Variants in MLLT6 observed in about 807,000 individuals in gnomAD.
The protein encoded by MLLT6 is protein AF-17.
A neutral mutation model predicts 103.0 loss-of-function variants in MLLT6; 22 were observed. The ratio of observed to expected loss-of-function variants is 0.21; its 90% CI spans 0.15 to 0.31. The LOEUF (loss-of-function observed/expected upper bound fraction) is 0.31, where lower values mean the gene tolerates loss of function less well. MLLT6 is among the 10% of genes least tolerant of loss of function. The pLI is 1.00. For synonymous variants in MLLT6, 606 were observed against 623.5 expected (o/e 0.97, Z 0.42); for missense variants, 1,199 against 1,441.7 (o/e 0.83, Z 2.73).
Position 38,727,401 on chromosome 17 carries a change from A to G in MLLT6, c.*1803A>G, listed in dbSNP as rs1906097750. ...AGTTGTGATGACCTCAGAAATACTC[A>G]CTTTTTATTAATGCTAAATATGTTA... On this transcript the variant is annotated 3_prime_UTR_variant, in exon 20 of 20. Coordinates refer to ENST00000621332, the MANE Select transcript of MLLT6 (RefSeq NM_005937.4). 1 of 230,594 alleles carries G rather than the reference A, an allele frequency of 4.3e-6. No homozygotes were observed. Among genetic ancestry groups the G allele is most frequent in the Non-Finnish European group, 8.6e-6 (1 of 116,542 alleles). The allele number at this position is 230,594 out of a possible 1,614,324, so 14.3% of individuals were successfully genotyped here. A position where few individuals can be genotyped will look rare whatever the true frequency, so the allele number is the denominator to read the frequency against.
Position 38,711,997 on chromosome 17 carries a change from G to C in MLLT6, c.703G>C (p.Glu235Gln). ...GCAGGAGAAGCACCCCACCCACCAC[G>C]AGAGGGGCCAGAAGAAGGTAGAAGT... ...TQQEKHPTHH[E>Q]RGQKKSRKDK... is the part of the protein sequence containing the mutation. Residue 235 changes from glutamate to glutamine, a missense_variant, in exon 7 of 20, where the codon GAG (glutamate) becomes CAG (glutamine). Glu to Gln is a conservative substitution (Grantham distance 29). This residue lies in a region of MLLT6 where 1,034 missense variants were observed against 1,091.5 expected (regional missense o/e 0.95). Coordinates refer to ENST00000621332, the MANE Select transcript of MLLT6 (RefSeq NM_005937.4). 6.3e-7 allele frequency: 1 copy of C among 1,591,820 alleles called. No homozygotes were observed. The highest frequency in any genetic ancestry group is 8.6e-7 in the Non-Finnish European group (1 of 1,167,998).
rs1460952874 is a variant in MLLT6 at position 38,717,462 on chromosome 17, C to T, written c.1682C>T (p.Ser561Phe). 1 of 1,610,766 alleles carries T rather than the reference C, an allele frequency of 6.2e-7. No individual in the cohort carries two copies. Among genetic ancestry groups the T allele is most frequent in the East Asian group, 2.2e-5 (1 of 44,750 alleles). Reference protein sequence around the residue: ...GIYTSNKDPISHSGGMLRAVC... With the variant: ...GIYTSNKDPIFHSGGMLRAVC... Reference sequence around the variant, plus strand: ...TACACCAGTAATAAGGACCCCATCTCCCACAGTGGCGGGATGCTGCGGGCT... The same window carrying T: ...TACACCAGTAATAAGGACCCCATCTTCCACAGTGGCGGGATGCTGCGGGCT... The change falls in exon 11 of 20, where the codon TCC (serine) becomes TTC (phenylalanine). Residue 561 changes from serine to phenylalanine, a missense_variant. This residue lies in a region of MLLT6 where 1,034 missense variants were observed against 1,091.5 expected (regional missense o/e 0.95). Coordinates refer to ENST00000621332, the MANE Select transcript of MLLT6 (RefSeq NM_005937.4).
chr17:38,716,084 G>C lies in MLLT6; in HGVS notation c.1036+256G>C. 1.7e-6 allele frequency: 1 copy of C among 599,952 alleles called. No homozygotes were observed. The allele number at this position is 599,952 out of a possible 1,614,324, so 37.2% of individuals were successfully genotyped here. A position where few individuals can be genotyped will look rare whatever the true frequency, so the allele number is the denominator to read the frequency against. ...CTTATCCCCTACATTTGTGCTGCAAGGTACAATTTTTCAAGAACCCCCATT... is the reference window on the plus strand; with the variant it reads ...CTTATCCCCTACATTTGTGCTGCAACGTACAATTTTTCAAGAACCCCCATT... On this transcript the variant is annotated intron_variant, in intron 9 of 19. Coordinates refer to ENST00000621332, the MANE Select transcript of MLLT6 (RefSeq NM_005937.4). The surrounding 1 kb of genome is among the most constrained non-coding windows in gnomAD (Gnocchi z 5.6).
In MLLT6 at chr17:38,729,049, TCTTAGGAA is replaced by T; in HGVS notation, c.*3452_*3459del. The T allele has an allele frequency of 4.3e-6, 1 of 233,372 alleles. No individual in the cohort carries two copies. The highest frequency in any genetic ancestry group is 6.0e-5 in the East Asian group (1 of 16,604). The allele number at this position is 233,372 out of a possible 1,614,324, so 14.5% of individuals were successfully genotyped here. A position where few individuals can be genotyped will look rare whatever the true frequency, so the allele number is the denominator to read the frequency against. On this transcript the variant is annotated 3_prime_UTR_variant, in exon 20 of 20. Transcript: ENST00000621332. ...TTCTAGGGAGGTGCTCACCCCAGAC[TCTTAGGAA>T]GGGTCTAGAGAAATGAGAGGAGCCC...
At position 38,727,538 on chromosome 17, in the gene MLLT6, C is replaced by T. The variant is rs937923477; in HGVS notation, c.*1940C>T. 4.4e-5 allele frequency: 9 copies of T among 205,072 alleles called. No homozygotes were observed. The highest frequency in any genetic ancestry group is 9.0e-5 in the Non-Finnish European group (9 of 100,312). The allele number at this position is 205,072 out of a possible 1,614,324, so 12.7% of individuals were successfully genotyped here. A position where few individuals can be genotyped will look rare whatever the true frequency, so the allele number is the denominator to read the frequency against. The stretch of plus-strand genomic sequence containing the variant: ...AACCTTCAGGCCAGGCGCGGTGGCT[C>T]ACGCCTGTAATCCCAACACTTTGGG... On this transcript the variant is annotated 3_prime_UTR_variant, in exon 20 of 20. Transcript: ENST00000621332.
chr17:38,708,017 A>C (rs1905004181), intron 4 of MLLT6, 145 bp downstream of exon 4: 2 of 625,994 alleles, frequency 3.2e-6, no homozygotes, highest in African/African-American at 3.7e-5. Context: ...CCAGTGAACC[A>C]CCCTTCTGTT....
rs148755593 is a variant in MLLT6, at chr17:38,707,720, C to A, written c.245-43C>A. On this transcript the variant is annotated intron_variant, in intron 3 of 19. Transcript: ENST00000621332. ...GTGGGGTCATAAGGGGTGGAGTCTC[C>A]GGCTTGCCATCTGCAGCTGAGGCTA... 450 of 1,346,526 alleles carry A rather than the reference C, an allele frequency of 3.3e-4. 1 individual carries two copies. Among genetic ancestry groups the A allele is most frequent in the Non-Finnish European group, 4.2e-4 (399 of 940,860 alleles). The allele number at this position is 1,346,526 out of a possible 1,614,324, so 83.4% of individuals were successfully genotyped here.
chr17:38,726,895 T>C lies in MLLT6; in HGVS notation c.*1297T>C. On this transcript the variant is annotated 3_prime_UTR_variant, in exon 20 of 20. Coordinates refer to ENST00000621332, the MANE Select transcript of MLLT6 (RefSeq NM_005937.4). The stretch of plus-strand genomic sequence containing the variant: ...TCACCCACCAGCTATTTCCCCAGGG[T>C]AGAGTGGGCAATTCTCACCTTCAAA... 4.3e-6 allele frequency: 1 copy of C among 233,152 alleles called. No individual in the cohort carries two copies. Among genetic ancestry groups the C allele is most frequent in the Non-Finnish European group, 8.5e-6 (1 of 118,044 alleles). 14.4% of individuals were successfully genotyped at this position (233,152 alleles called of 1,614,324 possible). A position where few individuals can be genotyped will look rare whatever the true frequency, so the allele number is the denominator to read the frequency against.
Position 38,727,646 on chromosome 17 carries a change from T to C in MLLT6, c.*2048T>C, listed in dbSNP as rs1906108382. The C allele has an allele frequency of 5.2e-6, 1 of 191,268 alleles. No individual in the cohort carries two copies. Among genetic ancestry groups the C allele is most frequent in the Admixed American group, 6.2e-5 (1 of 16,258 alleles). 11.8% of individuals were successfully genotyped at this position (191,268 alleles called of 1,614,324 possible). ...GGTGAAACCCCGTCTCTATCAAAAA[T>C]TAGCCGGGCATGGTGGCACGTGCCT... On this transcript the variant is annotated 3_prime_UTR_variant, in exon 20 of 20. Coordinates refer to ENST00000621332, the MANE Select transcript of MLLT6 (RefSeq NM_005937.4).
rs1201724861 is a variant in MLLT6, at chr17:38,705,288, C to G, written c.-345C>G. On this transcript the variant is annotated 5_prime_UTR_variant, in exon 1 of 20. Transcript: ENST00000621332. ...CCCGCGATGTGCCACTCGGCGCCTCCCCCGCCGGGCTCGGGCTACGCGGCG... is the reference window on the plus strand; with the variant it reads ...CCCGCGATGTGCCACTCGGCGCCTCGCCCGCCGGGCTCGGGCTACGCGGCG... 6.9e-6 allele frequency among the ~76,000 whole-genome samples: 1 copy of G among 145,374 alleles called. No homozygotes were observed. Among genetic ancestry groups the G allele is most frequent in the East Asian group, 2.0e-4 (1 of 4,904 alleles).
Position 38,715,845 on chromosome 17 carries a change from G to T in MLLT6, c.1036+17G>T. ...AGCCTGCAGGTGAGTGTGGGCATCCGGGAGGAAGCTGGGAGCAGGGAAAGC... is the reference window on the plus strand; with the variant it reads ...AGCCTGCAGGTGAGTGTGGGCATCCTGGAGGAAGCTGGGAGCAGGGAAAGC... On this transcript the variant is annotated intron_variant, in intron 9 of 19. Transcript: ENST00000621332. 1.3e-6 allele frequency: 2 copies of T among 1,570,430 alleles called. No homozygotes were observed. Among genetic ancestry groups the T allele is most frequent in the Non-Finnish European group, 8.6e-7 (1 of 1,156,398 alleles).
At chr17:38,710,214 G>C (rs1905097074) in intron 6 of MLLT6, among the ~76,000 whole-genome samples, 1 of 152,210 alleles carries the variant, frequency 6.6e-6, no homozygotes, top group Non-Finnish European at 1.5e-5. Context: ...TGGTGGGGAA[G>C]AGGCAGGAGA....
chr17:38,707,547 C>T lies in MLLT6; in HGVS notation c.244+7C>T, dbSNP rs750200964. 4.3e-6 allele frequency: 7 copies of T among 1,613,846 alleles called. No homozygotes were observed. Among genetic ancestry groups the T allele is most frequent in the African/African-American group, 1.3e-5 (1 of 74,934 alleles). ...AAGAGGACTGATAATGGAGGTGAGG[C>T]GGGCTCATCTGCTGAGGTCAGCAGG... On this transcript the variant is annotated splice_region_variant and intron_variant, in intron 3 of 19. Transcript: ENST00000621332.
chr17:38,705,816 G>A (rs1904886095), intron 1 of MLLT6, 75 bp downstream of exon 1: 2 of 546,988 alleles, frequency 3.7e-6, no homozygotes, highest in Non-Finnish European at 5.3e-6. Flanking sequence ...CGCGCCCTCC[G>A]GAGACCTCCT....
chr17:38,719,486 C>CA (rs756100386), intron 12 of MLLT6, 31 bp from the exon 13 acceptor site: 142 of 1,579,112 alleles, frequency 9.0e-5, no homozygotes, highest in Middle Eastern at 1.8e-4. Flanking sequence ...ACCACTCCTC[C>CA]ACGCTGATCC....
At chr17:38,725,273 A>G (rs1180926893) in intron 19 of MLLT6, 2 of 532,266 alleles carry the variant, frequency 3.8e-6, no homozygotes, top group Non-Finnish European at 6.6e-6. Flanking sequence ...AATTAGAAAA[A>G]GATGACCCTC....
chr17:38,720,138 CCTTCTCTCCTGA>C, intron 14 of MLLT6: 1 of 692,982 alleles, frequency 1.4e-6, no homozygotes, highest in South Asian at 1.9e-5. Context: ...CAACTTCCGC[CCTTCTCTCCTGA>C]CCCGTGTGGC....
chr17:38,712,365 T>C (rs1053529316), intron 7 of MLLT6, among the ~76,000 whole-genome samples: 5 of 152,220 alleles, frequency 3.3e-5, no homozygotes, highest in Non-Finnish European at 5.9e-5. Context: ...TAGCACAGCG[T>C]GCCCAGCTCC....
chr17:38,717,411 C>T (rs1760351783), intron 10 of MLLT6, 21 bp from the exon 11 acceptor site: 2 of 1,557,842 alleles, frequency 1.3e-6, no homozygotes, highest in Non-Finnish European at 1.7e-6. Flanking sequence ...CACGTGCTTC[C>T]CTCTGTCCTT....
Sources: gnomAD v4.1 joint callset for allele counts (sites outside exome capture counted in the v4.1 genomes callset) on GRCh38, gnomAD v4.1.1 for gene constraint, gnomAD v4.1.1 regional missense constraint, Gnocchi (gnomAD v3.1) non-coding constraint, MANE v1.5 for transcripts, NCBI Gene and HGNC (gene_info 2026-07-23, HGNC 2026-07-21) for gene names.